Variants in SND1 observed in about 807,000 individuals in gnomAD.
SND1 encodes the protein staphylococcal nuclease domain-containing protein 1.
In SND1, 38 loss-of-function variants were observed where a neutral mutation model predicts 121.7. The observed-to-expected ratio is 0.31, with a 90% confidence interval of 0.24 to 0.41. The LOEUF (loss-of-function observed/expected upper bound fraction) is 0.41. SND1 is among the 10% of genes least tolerant of loss of function. SND1 has a pLI of 1.00. For synonymous variants in SND1, 401 were observed against 447.4 expected (o/e 0.90, Z 1.31); for missense variants, 868 against 1,184.6 (o/e 0.73, Z 3.92).
At chr7:127,964,299 T>G (rs1482705734) in intron 15 of SND1, among the ~76,000 whole-genome samples, 4 of 149,094 alleles carry the variant, frequency 2.7e-5, no homozygotes, top group African/African-American at 5.0e-5. Context: ...TTGCCATTGC[T>G]TTTGGTGTTT....
chr7:128,045,653 T>G (rs1380508724), intron 16 of SND1, among the ~76,000 whole-genome samples: 1 of 152,180 alleles, frequency 6.6e-6, no homozygotes, highest in Non-Finnish European at 1.5e-5. Flanking sequence ...AATAATCAGA[T>G]TTATCATCTC....
intron 11 of SND1, among the ~76,000 whole-genome samples, chr7:127,835,559 C>T (rs1584607492): frequency 6.6e-6 from 1 of 151,808 alleles, no homozygotes; most frequent in Non-Finnish European, 1.5e-5. Flanking sequence ...AGTAGTGCCT[C>T]TGAAACCTTT....
intron 2 of SND1, chr7:127,687,092 G>A (rs1795826673): frequency 5.1e-6 from 1 of 194,956 alleles, no homozygotes; most frequent in Non-Finnish European, 1.0e-5. Flanking sequence ...GGTTATGGCA[G>A]AGCTCTTTTA....
At chr7:127,940,121 G>A (rs1215366871) in intron 15 of SND1, among the ~76,000 whole-genome samples, 1 of 152,104 alleles carries the variant, frequency 6.6e-6, no homozygotes, top group Non-Finnish European at 1.5e-5. Context: ...AGTCTATGCA[G>A]GGTTGTCTGG....
intron 10 of SND1, among the ~76,000 whole-genome samples, chr7:127,755,385 T>C (rs1298365241): frequency 6.6e-6 from 1 of 152,206 alleles, no homozygotes; most frequent in Non-Finnish European, 1.5e-5. Context: ...TTTCTCCCTC[T>C]TTGCTGGAGA....
chr7:127,869,638 CA>C (rs762393917), intron 12 of SND1, among the ~76,000 whole-genome samples: 3 of 152,058 alleles, frequency 2.0e-5, no homozygotes, highest in Non-Finnish European at 4.4e-5. Context: ...CAGTTTCCAC[CA>C]GTGGTTAGAT....
At chr7:127,699,311 A>G (rs1181410214) in intron 4 of SND1, among the ~76,000 whole-genome samples, 1 of 152,226 alleles carries the variant, frequency 6.6e-6, no homozygotes, top group Non-Finnish European at 1.5e-5. Flanking sequence ...GGCACTGAGA[A>G]TATAGTGTGA....
intron 13 of SND1, among the ~76,000 whole-genome samples, chr7:127,894,736 T>C (rs1182134861): frequency 3.3e-5 from 5 of 152,062 alleles, no homozygotes; most frequent in African/African-American, 7.2e-5. Context: ...ATATCTTTCC[T>C]CTGTCAGAAA....
chr7:127,745,743 C>A (rs975907429), intron 10 of SND1, among the ~76,000 whole-genome samples: 2 of 152,166 alleles, frequency 1.3e-5, no homozygotes, highest in South Asian at 2.1e-4. Context: ...ATTTTCTTTT[C>A]ATCACTGAGT....
In SND1 at chr7:127,969,683, G is replaced by A. The variant is rs558257281; in HGVS notation, c.1670-21264G>A. ...GCGGAGCTTGCAGTGAGCTGAGATCGCACCACTGCATTCCATCCTGGGCAG... is the reference window on the plus strand; with the variant it reads ...GCGGAGCTTGCAGTGAGCTGAGATCACACCACTGCATTCCATCCTGGGCAG... On this transcript the variant is annotated intron_variant, in intron 15 of 23. Coordinates refer to ENST00000354725, the MANE Select transcript of SND1 (RefSeq NM_014390.4). 1.2e-3 allele frequency among the ~76,000 whole-genome samples: 180 copies of A among 152,202 alleles called. 1 individual carries two copies. Among genetic ancestry groups the A allele is most frequent in the African/African-American group, 4.0e-3 (167 of 41,516 alleles).
At chr7:127,915,171 G>A (rs974494139) in intron 14 of SND1, among the ~76,000 whole-genome samples, 4 of 151,932 alleles carry the variant, frequency 2.6e-5, no homozygotes, top group Non-Finnish European at 5.9e-5. Flanking sequence ...GTACCACTAC[G>A]CCAGGCTAAT....
intron 10 of SND1, among the ~76,000 whole-genome samples, chr7:127,790,368 A>G (rs777293402): frequency 2.6e-5 from 4 of 152,168 alleles, no homozygotes; most frequent in Non-Finnish European, 5.9e-5. Flanking sequence ...GAGTGCTTGG[A>G]GGAGAGGAAA....
intron 22 of SND1, among the ~76,000 whole-genome samples, chr7:128,090,755 C>T (rs1011570846): frequency 1.3e-5 from 2 of 152,146 alleles, no homozygotes; most frequent in African/African-American, 2.4e-5. Flanking sequence ...TGCAGGCTGA[C>T]GACTCACTGG....
At chr7:127,806,813 G>T (rs1448845716) in intron 10 of SND1, among the ~76,000 whole-genome samples, 1 of 152,140 alleles carries the variant, frequency 6.6e-6, no homozygotes, top group Non-Finnish European at 1.5e-5. Flanking sequence ...ACAAAAATTA[G>T]CTGGGTGTGG....
At chr7:127,953,951 G>A (rs764387200) in intron 15 of SND1, among the ~76,000 whole-genome samples, 21 of 152,192 alleles carry the variant, frequency 1.4e-4, no homozygotes, top group Non-Finnish European at 2.5e-4. Flanking sequence ...GTTGATTACT[G>A]TAAGGCAGTG....
At chr7:127,969,943 C>T (rs1443618959) in intron 15 of SND1, among the ~76,000 whole-genome samples, 2 of 152,172 alleles carry the variant, frequency 1.3e-5, no homozygotes, top group Non-Finnish European at 2.9e-5. Context: ...TAGAGTTTCT[C>T]TAAGTATTAC....
chr7:127,654,854 C>A (rs965427446), intron 1 of SND1, among the ~76,000 whole-genome samples: 1 of 152,150 alleles, frequency 6.6e-6, no homozygotes, highest in East Asian at 1.9e-4. Context: ...GAAGCCTTGT[C>A]TGGAATGAAA....
chr7:127,723,657 AG>A (rs985039633), intron 10 of SND1, among the ~76,000 whole-genome samples: 5 of 152,222 alleles, frequency 3.3e-5, no homozygotes, highest in Non-Finnish European at 5.9e-5. Flanking sequence ...TGATCTTCCC[AG>A]GTCAGCTGCT....
Position 127,867,900 on chromosome 7 carries a change from T to TAAA in SND1, c.1344-19991_1344-19989dup, listed in dbSNP as rs57966397. 4.3e-4 allele frequency among the ~76,000 whole-genome samples: 64 copies of TAAA among 148,360 alleles called. No homozygotes were observed. In the East Asian group the frequency reaches 5.9e-3, roughly 14 times the overall value. Reference sequence around the variant, plus strand: ...CCCTGGTTCTCATTCACCATTCCTTTAAAAAAAAAAAAATTAAATGCATTA... The same window carrying TAAA: ...CCCTGGTTCTCATTCACCATTCCTTTAAAAAAAAAAAAAAAATTAAATGCATTA... On this transcript the variant is annotated intron_variant, in intron 12 of 23. Transcript: ENST00000354725.
Sources: allele counts gnomAD v4.1 joint callset (sites outside exome capture counted in the v4.1 genomes callset), GRCh38; gene constraint gnomAD v4.1.1; transcripts MANE v1.5; gene names NCBI Gene and HGNC (gene_info 2026-07-23, HGNC 2026-07-21).